The following SNX19 variants were observed in gnomAD, a reference collection of about 807,000 sequenced individuals.
SNX19 encodes sorting nexin 19.
A neutral mutation model predicts 85.2 loss-of-function variants in SNX19; 60 were observed. The ratio of observed to expected loss-of-function variants is 0.70; its 90% CI spans 0.57 to 0.87. The LOEUF is 0.87. SNX19 is among the 40% of genes least tolerant of loss of function. The pLI is 0.00. For synonymous variants in SNX19, 520 were observed against 470.0 expected, an observed-to-expected ratio of 1.11 and a Z score of -1.38; for missense variants, 1,201 against 1,217.8, an observed-to-expected ratio of 0.99 and a Z score of 0.21.
chr11:130,867,676 G>A lies in SNX19; in HGVS notation c.*10746C>T, dbSNP rs1409211858. ...AATGAGGTGGAAGAAAATCTCTACT[G>A]AGATGAGATGCATTTTTAGGACAAA... On this transcript the variant is annotated 3_prime_UTR_variant, in exon 11 of 11. Transcript: ENST00000265909. 1.3e-5 allele frequency: 2 copies of A among 152,178 alleles called. No individual in the cohort carries two copies. Among genetic ancestry groups the A allele is most frequent in the Admixed American group, 6.5e-5 (1 of 15,274 alleles). 9.4% of individuals were successfully genotyped at this position (152,178 alleles called of 1,614,324 possible). A position where few individuals can be genotyped will look rare whatever the true frequency, so the allele number is the denominator to read the frequency against.
Position 130,870,322 on chromosome 11 carries a change from T to C in SNX19, c.*8100A>G, listed in dbSNP as rs555718498. 3.9e-5 allele frequency: 6 copies of C among 152,382 alleles called. No homozygotes were observed. Among genetic ancestry groups the C allele is most frequent in the Admixed American group, 2.0e-4 (3 of 15,304 alleles). 9.4% of individuals were successfully genotyped at this position (152,382 alleles called of 1,614,324 possible). ...GCCGCATCCACATATGCACACTTACTTCCCTTGGATGTGTGGCAACGAGCT... is the reference window on the plus strand; with the variant it reads ...GCCGCATCCACATATGCACACTTACCTCCCTTGGATGTGTGGCAACGAGCT... On this transcript the variant is annotated 3_prime_UTR_variant, in exon 11 of 11. Coordinates refer to ENST00000265909, the MANE Select transcript of SNX19 (RefSeq NM_014758.3).
At chr11:130,913,142 G>A (rs1383884297) in intron 1 of SNX19, among the ~76,000 whole-genome samples, 5 of 152,128 alleles carry the variant, frequency 3.3e-5, no homozygotes, top group Admixed American at 6.5e-5. Flanking sequence ...TTCTGCTAAT[G>A]AGGAGGGAAA....
In SNX19 at chr11:130,877,721, G is replaced by GAC; in HGVS notation, c.*700_*701insGT. 6.6e-6 allele frequency: 1 copy of GAC among 152,630 alleles called. No individual in the cohort carries two copies. Among genetic ancestry groups the GAC allele is most frequent in the East Asian group, 1.9e-4 (1 of 5,192 alleles). 9.5% of individuals were successfully genotyped at this position (152,630 alleles called of 1,614,324 possible). On this transcript the variant is annotated 3_prime_UTR_variant, in exon 11 of 11. Coordinates refer to ENST00000265909, the MANE Select transcript of SNX19 (RefSeq NM_014758.3). ...CAGGAAAGGGTGTGAAGGGTGGGGT[G>GAC]GATTTACCAGAAGCTTTGGCAGTCA...
Position 130,916,373 on chromosome 11 carries a change from G to T in SNX19, c.-434C>A, listed in dbSNP as rs904954479. ...CCCCGACCTGAAGTGGACTCATCGCGGTCCTCTCCGGGAGCCTCGGCCCTC... is the reference window on the plus strand; with the variant it reads ...CCCCGACCTGAAGTGGACTCATCGCTGTCCTCTCCGGGAGCCTCGGCCCTC... On this transcript the variant is annotated 5_prime_UTR_variant, in exon 1 of 11. Transcript: ENST00000265909. The T allele has an allele frequency of 8.0e-5, 13 of 163,446 alleles. No individual in the cohort carries two copies. Among genetic ancestry groups the T allele is most frequent in the Non-Finnish European group, 8.1e-5 (6 of 74,242 alleles). 10.1% of individuals were successfully genotyped at this position (163,446 alleles called of 1,614,324 possible).
Position 130,914,983 on chromosome 11 carries a change from T to A in SNX19, c.957A>T (p.Pro319=), listed in dbSNP as rs1421020230. 9 of 1,614,192 alleles carry A rather than the reference T, an allele frequency of 5.6e-6. No individual in the cohort carries two copies. In the Admixed American group the frequency reaches 1.3e-4, roughly 24 times the overall value. ...AAPVFLSYSE[P]EGSAGPSPEV... is the part of the protein sequence containing the mutation. ...CTGGAGAGGGGCCTGCAGAACCCTC[T>A]GGCTCACTGTAACTTAGGAATACTG... Residue 319 remains proline (P), a synonymous_variant, in exon 1 of 11, where the codon CCA becomes CCT. Transcript: ENST00000265909.
chr11:130,881,083 T>G, intron 8 of SNX19: 1 of 271,764 alleles, frequency 3.7e-6, no homozygotes. Flanking sequence ...AAAGGGCCCT[T>G]GCCAGACACC....
At chr11:130,879,531 G>T in intron 10 of SNX19, 93 bp downstream of exon 10, 1 of 1,073,880 alleles carries the variant, frequency 9.3e-7, no homozygotes, top group South Asian at 1.3e-5. Flanking sequence ...CTATTCTTTG[G>T]AATGTGGGCT....
rs1453054117 is a variant in SNX19 at position 130,873,208 on chromosome 11, C to T, written c.*5214G>A. Among the ~76,000 whole-genome samples, 8 of 152,318 alleles carry T rather than the reference C, an allele frequency of 5.3e-5. No individual in the cohort carries two copies. The East Asian group carries it at 1.3e-3, about 26-fold the overall frequency. On this transcript the variant is annotated 3_prime_UTR_variant, in exon 11 of 11. Transcript: ENST00000265909. ...AAACTGACTCATGGGACAAACCCGG[C>T]CAGCTGCCTATTTTTGTAAATCAAG... is the stretch of plus-strand genomic sequence containing the variant.
intron 7 of SNX19, 51 bp from the exon 8 acceptor site, chr11:130,903,435 G>C: frequency 6.3e-7 from 1 of 1,586,828 alleles, no homozygotes; most frequent in South Asian, 1.1e-5. Flanking sequence ...CCATACTTGA[G>C]GAACATCTTT....
chr11:130,907,808 C>A, intron 5 of SNX19, 145 bp downstream of exon 5: 1 of 1,272,374 alleles, frequency 7.9e-7, no homozygotes, highest in East Asian at 2.4e-5. Flanking sequence ...AACTGAGGAG[C>A]CTGGGGTCTA....
Position 130,874,437 on chromosome 11 carries a change from A to C in SNX19, c.*3985T>G, listed in dbSNP as rs1943144763. ...GTTATCTCTGGGTGTGATGCCTGAA[A>C]CTGCAGCAGCAGGAAGGCAGGCAGT... On this transcript the variant is annotated 3_prime_UTR_variant, in exon 11 of 11. Coordinates refer to ENST00000265909, the MANE Select transcript of SNX19 (RefSeq NM_014758.3). Among the ~76,000 whole-genome samples the C allele has an allele frequency of 6.6e-6, 1 of 152,172 alleles. No individual in the cohort carries two copies. The highest frequency in any genetic ancestry group is 1.5e-5 in the Non-Finnish European group (1 of 68,040).
At chr11:130,890,730 C>T (rs1304519719) in intron 8 of SNX19, among the ~76,000 whole-genome samples, 1 of 152,140 alleles carries the variant, frequency 6.6e-6, no homozygotes, top group African/African-American at 2.4e-5. Context: ...TCTCTGATGT[C>T]ATCTACTATA....
chr11:130,885,950 G>C (rs1322668277), intron 8 of SNX19, among the ~76,000 whole-genome samples: 1 of 152,120 alleles, frequency 6.6e-6, no homozygotes, highest in Non-Finnish European at 1.5e-5. Context: ...TTTGTCATAG[G>C]GGCTTTCCTG....
intron 8 of SNX19, chr11:130,902,957 T>C (rs919463529): frequency 9.2e-5 from 26 of 283,774 alleles, no homozygotes; most frequent in African/African-American, 4.2e-4. Context: ...CTGGAGGATA[T>C]AACTGGGTGG....
rs563792709 is a variant in SNX19, at chr11:130,876,498, C to T, written c.*1924G>A. ...AAAGATTCCTTAGAATTTATAGCCA[C>T]AGGGATTTCATGGTGTGTCTGATGT... is the stretch of plus-strand genomic sequence containing the variant. On this transcript the variant is annotated 3_prime_UTR_variant, in exon 11 of 11. Transcript: ENST00000265909. 3 of 152,646 alleles carry T rather than the reference C, an allele frequency of 2.0e-5. No individual in the cohort carries two copies. In the East Asian group the frequency reaches 5.8e-4, roughly 29 times the overall value. 9.5% of individuals were successfully genotyped at this position (152,646 alleles called of 1,614,324 possible). A position where few individuals can be genotyped will look rare whatever the true frequency, so the allele number is the denominator to read the frequency against.
At chr11:130,907,850 C>G in intron 5 of SNX19, 103 bp downstream of exon 5, 2 of 1,532,456 alleles carry the variant, frequency 1.3e-6, no homozygotes. Context: ...GTCTGACCCA[C>G]CTCCTTTCCT....
In SNX19 at chr11:130,873,770, C is replaced by A. The variant is rs1592262157; in HGVS notation, c.*4652G>T. Among the ~76,000 whole-genome samples, 1 of 152,236 alleles carries A rather than the reference C, an allele frequency of 6.6e-6. No individual in the cohort carries two copies. Among genetic ancestry groups the A allele is most frequent in the East Asian group, 1.9e-4 (1 of 5,156 alleles). On this transcript the variant is annotated 3_prime_UTR_variant, in exon 11 of 11. Transcript: ENST00000265909. ...ATGTTAACTATTAGCTGGTACCAGG[C>A]ATTTTGGGAGTAGATAGGGGATCTG...
chr11:130,881,561 C>T (rs1356652170), intron 8 of SNX19, among the ~76,000 whole-genome samples: 1 of 152,200 alleles, frequency 6.6e-6, no homozygotes, highest in Non-Finnish European at 1.5e-5. Flanking sequence ...ACTTAGCGAT[C>T]TTTAAACAAA....
chr11:130,901,464 G>A (rs1019551809), intron 8 of SNX19, among the ~76,000 whole-genome samples: 50 of 151,914 alleles, frequency 3.3e-4, no homozygotes, highest in African/African-American at 1.2e-3. Flanking sequence ...GACAAGAAGA[G>A]GAAAAGTTAG....
Sources: gnomAD v4.1 joint callset for allele counts (sites outside exome capture counted in the v4.1 genomes callset) on GRCh38, gnomAD v4.1.1 for gene constraint, MANE v1.5 for transcripts, NCBI Gene and HGNC (gene_info 2026-07-23, HGNC 2026-07-21) for gene names.